Variants in WWOX observed in about 807,000 individuals in gnomAD.
WWOX encodes WW domain containing oxidoreductase, also known as WW domain-containing oxidoreductase.
In WWOX, 69 loss-of-function variants were observed where a neutral mutation model predicts 46.2. That is an observed-to-expected ratio of 1.49 (90% CI 1.23 to 1.82). WWOX has a LOEUF of 1.82. WWOX is among the 40% of genes most tolerant of loss of function. The pLI is 0.00. For missense variants in WWOX, 919 were observed against 542.6 expected (o/e 1.69, Z -6.89); for synonymous variants, 359 against 202.6 (o/e 1.77, Z -6.56).
intron 5 of WWOX, among the ~76,000 whole-genome samples, chr16:78,361,075 G>C (rs977036224): frequency 2.6e-5 from 4 of 152,016 alleles, no homozygotes; most frequent in African/African-American, 9.7e-5. Context: ...TGCTTACCTC[G>C]GCTTCCCAAA....
At chr16:78,421,464 A>G (rs2082928935) in intron 6 of WWOX, among the ~76,000 whole-genome samples, 1 of 152,196 alleles carries the variant, frequency 6.6e-6, no homozygotes, top group Non-Finnish European at 1.5e-5. Context: ...GGCCCACCTT[A>G]ATCCAAGATG....
chr16:78,554,015 G>C (rs774013854), intron 8 of WWOX, among the ~76,000 whole-genome samples: 1 of 152,048 alleles, frequency 6.6e-6, no homozygotes, highest in African/African-American at 2.4e-5. Flanking sequence ...CATCAAACAC[G>C]CCGTCAAGCA....
chr16:78,537,553 G>T (rs769860029), intron 8 of WWOX, among the ~76,000 whole-genome samples: 41 of 152,052 alleles, frequency 2.7e-4, no homozygotes, highest in Admixed American at 6.5e-4. Flanking sequence ...GATTGGTCAT[G>T]CTGACATACT....
At chr16:78,171,480 G>T (rs1261186259) in intron 5 of WWOX, among the ~76,000 whole-genome samples, 1 of 152,070 alleles carries the variant, frequency 6.6e-6, no homozygotes, top group African/African-American at 2.4e-5. Flanking sequence ...GTTGGGGGGA[G>T]GCATGTGGTA....
chr16:78,270,125 A>G (rs181121104), intron 5 of WWOX: 90 of 152,242 alleles, frequency 5.9e-4, no homozygotes, highest in African/African-American at 2.1e-3. Context: ...AAAAATACAT[A>G]AATCTGCTTG....
intron 8 of WWOX, among the ~76,000 whole-genome samples, chr16:78,833,498 A>G (rs73577477): frequency 1.2e-3 from 184 of 152,150 alleles, no homozygotes; most frequent in African/African-American, 4.2e-3. Context: ...GCGAGTTCAG[A>G]AAATTGGGTT....
At chr16:78,203,572 G>C (rs12928710) in intron 5 of WWOX, among the ~76,000 whole-genome samples, 4,023 of 152,246 alleles carry the variant, frequency 0.026, 81 homozygotes, top group East Asian at 0.055. Context: ...ACTTGTTTTA[G>C]TTGACAAGAA....
chr16:78,989,720 A>ATGGAGCAGG (rs57430225), intron 8 of WWOX, among the ~76,000 whole-genome samples: 12,826 of 151,884 alleles, frequency 0.084, 1,032 homozygotes, highest in African/African-American at 0.19. Flanking sequence ...AGGAGAGAGA[A>ATGGAGCAGG]TGGAGCAGGT....
intron 8 of WWOX, among the ~76,000 whole-genome samples, chr16:78,467,699 C>T (rs991026561): frequency 1.3e-5 from 2 of 152,028 alleles, no homozygotes; most frequent in Non-Finnish European, 2.9e-5. Context: ...GTCTGTTTTC[C>T]CTCTGTTCAG....
intron 8 of WWOX, among the ~76,000 whole-genome samples, chr16:78,847,561 TG>T (rs2052333026): frequency 1.3e-5 from 2 of 152,090 alleles, no homozygotes; most frequent in African/African-American, 4.8e-5. Flanking sequence ...CTCAAAGTCC[TG>T]GGCTCAAGCG....
At chr16:78,487,038 C>G (rs1597152998) in intron 8 of WWOX, among the ~76,000 whole-genome samples, 1 of 152,272 alleles carries the variant, frequency 6.6e-6, no homozygotes, top group African/African-American at 2.4e-5. Flanking sequence ...ACACATGTAC[C>G]CTGCTTGGTA....
chr16:79,041,353 A>G (rs1047674375), intron 8 of WWOX, among the ~76,000 whole-genome samples: 2 of 152,042 alleles, frequency 1.3e-5, no homozygotes, highest in African/African-American at 4.8e-5. Context: ...CTCTCTAGGA[A>G]GCCTTCCTTG....
intron 8 of WWOX, among the ~76,000 whole-genome samples, chr16:78,957,106 A>C (rs2046182756): frequency 6.6e-6 from 1 of 152,176 alleles, no homozygotes; most frequent in Admixed American, 6.5e-5. Context: ...AAGATAGTAA[A>C]CGCTCCCACT....
chr16:78,815,428 T>G (rs982433761), intron 8 of WWOX, among the ~76,000 whole-genome samples: 2 of 152,204 alleles, frequency 1.3e-5, no homozygotes, highest in Non-Finnish European at 2.9e-5. Flanking sequence ...CCTTGCTGTT[T>G]CCTTAAACCC....
In WWOX at chr16:78,948,824, A is replaced by T. The variant is rs190679176; in HGVS notation, c.1057-262784A>T. The stretch of plus-strand genomic sequence containing the variant: ...AGGTAACTAATCAGCTGACTTTAGA[A>T]TAGGAAGGTTATCCTGGGTGATTAG... On this transcript the variant is annotated intron_variant, in intron 8 of 8. Coordinates refer to ENST00000566780, the MANE Select transcript of WWOX (RefSeq NM_016373.4). Among the ~76,000 whole-genome samples, 184 of 152,262 alleles carry T rather than the reference A, an allele frequency of 1.2e-3. 2 individuals are homozygous for T. Among genetic ancestry groups the T allele is most frequent in the African/African-American group, 4.2e-3 (176 of 41,554 alleles).
At chr16:78,472,736 G>A (rs2084254185) in intron 8 of WWOX, among the ~76,000 whole-genome samples, 1 of 145,988 alleles carries the variant, frequency 6.8e-6, no homozygotes, top group South Asian at 2.2e-4. Context: ...TTGAACCCGG[G>A]AAGTGGAGGT....
intron 5 of WWOX, among the ~76,000 whole-genome samples, chr16:78,362,922 C>T (rs565813783): frequency 1.1e-4 from 16 of 152,252 alleles, no homozygotes; most frequent in African/African-American, 3.4e-4. Flanking sequence ...TGTTATCCTG[C>T]TCAGATGGTT....
At chr16:78,501,743 G>T (rs1364997511) in intron 8 of WWOX, among the ~76,000 whole-genome samples, 1 of 152,048 alleles carries the variant, frequency 6.6e-6, no homozygotes, top group Non-Finnish European at 1.5e-5. Flanking sequence ...CACCATGTTG[G>T]CCAGGCTGGT....
At chr16:78,202,585 C>T (rs1199705891) in intron 5 of WWOX, among the ~76,000 whole-genome samples, 1 of 152,150 alleles carries the variant, frequency 6.6e-6, no homozygotes, top group Non-Finnish European at 1.5e-5. Flanking sequence ...TTTGTAAGTG[C>T]ATGTATTTCA....
Sources: gnomAD v4.1 joint callset for allele counts (sites outside exome capture counted in the v4.1 genomes callset) on GRCh38, gnomAD v4.1.1 for gene constraint, MANE v1.5 for transcripts, NCBI Gene and HGNC (gene_info 2026-07-23, HGNC 2026-07-21) for gene names.